The following FKBP6 variants were observed in gnomAD, a reference collection of about 807,000 sequenced individuals.
The protein encoded by FKBP6 is inactive peptidyl-prolyl cis-trans isomerase FKBP6.
Under a neutral mutation model 41.7 loss-of-function variants are expected in FKBP6, and 29 were observed. The observed-to-expected ratio is 0.70, with a 90% CI of 0.52 to 0.95. The LOEUF (loss-of-function observed/expected upper bound fraction) is 0.95, where lower values mean the gene tolerates loss of function less well. Among genes scored for constraint, FKBP6 ranks in the 40% least tolerant of loss-of-function variants. The probability of loss-of-function intolerance (pLI) is 0.00; values close to 1 mark genes in which losing one functional copy is unlikely to be tolerated. For synonymous variants in FKBP6, 130 were observed against 165.1 expected, an observed-to-expected ratio of 0.79 and a Z score of 1.63; for missense variants, 338 against 408.7, an observed-to-expected ratio of 0.83 and a Z score of 1.49.
chr7:73,348,863 G>C (rs1411854865), intron 8 of FKBP6, among the ~76,000 whole-genome samples: 1 of 152,130 alleles, frequency 6.6e-6, no homozygotes. Flanking sequence ...CCAGCATTTC[G>C]GGAGGCCAAG....
At chr7:73,358,129 G>T (rs968135448) in intron 8 of FKBP6, 52 bp from the exon 9 acceptor site, 1 of 152,074 alleles carries the variant, frequency 6.6e-6, no homozygotes, top group Non-Finnish European at 1.5e-5. Context: ...CTGTGACGTC[G>T]TGTGGCAGCT....
At chr7:73,345,438 C>G (rs1247335032) in intron 8 of FKBP6, among the ~76,000 whole-genome samples, 15 of 151,976 alleles carry the variant, frequency 9.9e-5, no homozygotes, top group Non-Finnish European at 2.2e-4. Context: ...AGTTCTGTAC[C>G]CTAAAAGTCC....
At chr7:73,346,969 C>T (rs1805349238) in intron 8 of FKBP6, among the ~76,000 whole-genome samples, 1 of 152,094 alleles carries the variant, frequency 6.6e-6, no homozygotes, top group South Asian at 2.1e-4. Context: ...CAGGGCTGGT[C>T]CCCATGTACC....
At position 73,343,768 on chromosome 7, in the gene FKBP6, A is replaced by T. The variant is rs532075475; in HGVS notation, c.*2+869A>T. Among the ~76,000 whole-genome samples the T allele has an allele frequency of 2.0e-5, 3 of 152,250 alleles. No individual in the cohort carries two copies. The East Asian group carries it at 5.8e-4, about 29-fold the overall frequency. On this transcript the variant is annotated intron_variant, in intron 8 of 8. Transcript: ENST00000252037. The stretch of plus-strand genomic sequence containing the variant: ...ATGGAAACAAAATCACCTGCCTGAA[A>T]CACCTGCTTAGCTGCACAGATAACT...
chr7:73,333,810 G>A (rs1212781694), intron 5 of FKBP6, among the ~76,000 whole-genome samples: 1 of 152,226 alleles, frequency 6.6e-6, no homozygotes, highest in East Asian at 1.9e-4. Context: ...GGTGGCTCAT[G>A]CCTGTAATCC....
intron 8 of FKBP6, among the ~76,000 whole-genome samples, chr7:73,345,195 A>T (rs1206533196): frequency 1.1e-4 from 16 of 150,860 alleles, no homozygotes; most frequent in South Asian, 4.2e-4. Context: ...ATTGCCAGGG[A>T]CAGAAACCTA....
chr7:73,353,723 T>C (rs1554551446), intron 8 of FKBP6, among the ~76,000 whole-genome samples: 1 of 152,026 alleles, frequency 6.6e-6, no homozygotes, highest in African/African-American at 2.4e-5. Context: ...TATCACAGTA[T>C]TTCTTTTTTT....
At chr7:73,345,862 C>T (rs1467824566) in intron 8 of FKBP6, among the ~76,000 whole-genome samples, 1 of 152,146 alleles carries the variant, frequency 6.6e-6, no homozygotes, top group East Asian at 1.9e-4. Flanking sequence ...CGGGCCACTC[C>T]ACTTTGTTCC....
At chr7:73,356,471 G>A (rs193133921) in intron 8 of FKBP6, among the ~76,000 whole-genome samples, 15 of 152,262 alleles carry the variant, frequency 9.9e-5, no homozygotes, top group Admixed American at 4.6e-4. Context: ...ATTCCATTCC[G>A]TCGCTTTGCC....
At position 73,354,594 on chromosome 7, in the gene FKBP6, G is replaced by T. The variant is rs1805577627; in HGVS notation, c.*3-3587G>T. Among the ~76,000 whole-genome samples, 2 of 152,222 alleles carry T rather than the reference G, an allele frequency of 1.3e-5. 1 individual carries two copies. The highest frequency in any genetic ancestry group is 4.1e-4 in the South Asian group (2 of 4,834). ...TTTTCCCCCTCAGTTGATATTTTTG[G>T]AGATATCCAGATTAGGTTCTTAAGA... On this transcript the variant is annotated intron_variant, in intron 8 of 8. Transcript: ENST00000252037.
At chr7:73,329,139 C>T (rs527877784) in intron 2 of FKBP6, among the ~76,000 whole-genome samples, 30 of 152,184 alleles carry the variant, frequency 2.0e-4, no homozygotes, top group South Asian at 4.1e-4. Flanking sequence ...GCTAGGGACT[C>T]CTATGTCCCC....
chr7:73,329,790 C>T (rs1440376211), intron 3 of FKBP6: 5 of 522,548 alleles, frequency 9.6e-6, no homozygotes, highest in Admixed American at 6.3e-5. Context: ...CCCTTAAGGA[C>T]CTCACAATGT....
At chr7:73,328,921 C>G (rs181980616) in intron 2 of FKBP6, among the ~76,000 whole-genome samples, 3 of 152,208 alleles carry the variant, frequency 2.0e-5, no homozygotes, top group Non-Finnish European at 4.4e-5. Flanking sequence ...ATTCTCCTGC[C>G]TCAGCCTCCC....
chr7:73,346,487 G>A (rs1554550291), intron 8 of FKBP6, among the ~76,000 whole-genome samples: 1 of 152,230 alleles, frequency 6.6e-6, no homozygotes, highest in East Asian at 1.9e-4. Context: ...TGGGGCATGG[G>A]CCCAAGGGGC....
chr7:73,340,887 T>A, intron 6 of FKBP6, 55 bp downstream of exon 6: 1 of 1,163,812 alleles, frequency 8.6e-7, no homozygotes, highest in Non-Finnish European at 1.3e-6. Flanking sequence ...GTAGTAGCAG[T>A]GCTCAACTCA....
At chr7:73,333,139 T>TGG (rs1804899889) in intron 5 of FKBP6, among the ~76,000 whole-genome samples, 2 of 151,756 alleles carry the variant, frequency 1.3e-5, no homozygotes, top group Admixed American at 1.3e-4. Flanking sequence ...GGCATGGTGG[T>TGG]GGGTGCCTGT....
chr7:73,344,941 T>A (rs1404609161), intron 8 of FKBP6, among the ~76,000 whole-genome samples: 1 of 152,214 alleles, frequency 6.6e-6, no homozygotes, highest in African/African-American at 2.4e-5. Flanking sequence ...CACTGACTTG[T>A]AAGATTACTT....
At chr7:73,331,609 T>C (rs372400107) in intron 4 of FKBP6, 48 bp from the exon 5 acceptor site, 1 of 1,610,952 alleles carries the variant, frequency 6.2e-7, no homozygotes, top group African/African-American at 1.3e-5. Flanking sequence ...CATTGTGGCA[T>C]TACTGCTTTT....
In FKBP6 at chr7:73,330,221, A is replaced by C; in HGVS notation, c.337A>C (p.Lys113Gln). The C allele has an allele frequency of 1.2e-6, 2 of 1,614,030 alleles. No homozygotes were observed. The highest frequency in any genetic ancestry group is 1.7e-6 in the Non-Finnish European group (2 of 1,179,916). Residue 113 changes from lysine (K) to glutamine (Q), a missense_variant, in exon 4 of 9, where the codon AAA becomes CAA. Around this residue, in one of 2 missense-constraint regions of FKBP6, gnomAD observed 99 missense variants for 158.6 expected, o/e 0.62. Transcript: ENST00000252037. ...AGGAGAGCTGGCCAGGTTTCTGTTC[A>C]AACCGAACTACGCCTATGGAACGCT... Reference protein sequence around the residue: ...RRGELARFLFKPNYAYGTLGC... With the variant: ...RRGELARFLFQPNYAYGTLGC...
Sources: gnomAD v4.1 joint callset for allele counts (sites outside exome capture counted in the v4.1 genomes callset) on GRCh38, gnomAD v4.1.1 for gene constraint, gnomAD v4.1.1 regional missense constraint, MANE v1.5 for transcripts, NCBI Gene and HGNC (gene_info 2026-07-23, HGNC 2026-07-21) for gene names.